The following LYST variants were observed in gnomAD, a reference collection of about 807,000 sequenced individuals.
LYST encodes the protein lysosomal-trafficking regulator.
In LYST, 192 loss-of-function variants were observed where a neutral mutation model predicts 413.6. The ratio of observed to expected loss-of-function variants is 0.46; its 90% CI spans 0.41 to 0.52. LYST has a LOEUF of 0.52. Among genes scored for constraint, LYST ranks in the 20% least tolerant of loss-of-function variants. The pLI, the probability that LYST is intolerant of heterozygous loss-of-function variation, is 0.00. For synonymous variants in LYST, 1,525 were observed against 1,567.3 expected, an observed-to-expected ratio of 0.97 and a Z score of 0.64; for missense variants, 3,815 against 4,499.9, an observed-to-expected ratio of 0.85 and a Z score of 4.35.
intron 45 of LYST, among the ~76,000 whole-genome samples, chr1:235,699,786 T>A (rs1158418053): frequency 1.3e-5 from 2 of 152,196 alleles, no homozygotes; most frequent in East Asian, 1.9e-4. Context: ...TGGTGTGAGA[T>A]GGTATCTCCT....
intron 50 of LYST, among the ~76,000 whole-genome samples, chr1:235,667,761 C>T (rs907562500): frequency 8.6e-5 from 13 of 151,988 alleles, no homozygotes; most frequent in Non-Finnish European, 1.9e-4. Flanking sequence ...CCGCTTCCTT[C>T]AAGCGATTCT....
intron 1 of LYST, among the ~76,000 whole-genome samples, chr1:235,853,701 G>A (rs34341762): frequency 0.011 from 1,715 of 152,196 alleles, 22 homozygotes; most frequent in Middle Eastern, 0.058. Flanking sequence ...AACCTGGGGC[G>A]CTGACCTAGG....
chr1:235,846,913 C>A (rs980679624), intron 1 of LYST, among the ~76,000 whole-genome samples: 1 of 151,958 alleles, frequency 6.6e-6, no homozygotes, highest in African/African-American at 2.4e-5. Flanking sequence ...AATCAGTGTT[C>A]CTGAGGAAGA....
At chr1:235,798,674 C>T (rs529134522) in intron 10 of LYST, among the ~76,000 whole-genome samples, 2 of 130,538 alleles carry the variant, frequency 1.5e-5, no homozygotes, top group East Asian at 5.8e-4. Flanking sequence ...AGAAAGAGAA[C>T]TAAAGTGCTG....
Position 235,809,114 on chromosome 1 carries a change from G to C in LYST, c.1704C>G (p.Ser568Arg). 1 of 1,614,096 alleles carries C rather than the reference G, an allele frequency of 6.2e-7. No individual in the cohort carries two copies. Among genetic ancestry groups the C allele is most frequent in the Non-Finnish European group, 8.5e-7 (1 of 1,179,972 alleles). ...CACCCGATAGGATCTGGACACAAGT[G>C]CTGCTCAAGGAAGCCTGCTGTAGTA... is the stretch of plus-strand genomic sequence containing the variant. Reference protein sequence around the residue: ...LRLLQQASLSSTCVQILSGVH... With the variant: ...LRLLQQASLSRTCVQILSGVH... Residue 568 changes from serine (S) to arginine (R), a missense_variant, in exon 5 of 53, where the codon AGC (serine) becomes AGG (arginine). This residue lies in a region of LYST where 1,648 missense variants were observed against 1,810.3 expected (regional missense o/e 0.91). Transcript: ENST00000389793. The surrounding 1 kb of genome is among the most constrained non-coding windows in gnomAD (Gnocchi z 4.0).
At chr1:235,745,497 C>T (rs1397513794) in intron 29 of LYST, among the ~76,000 whole-genome samples, 1 of 152,192 alleles carries the variant, frequency 6.6e-6, no homozygotes, top group Non-Finnish European at 1.5e-5. Context: ...TACAGCCACT[C>T]TGGAAAAGTT....
intron 1 of LYST, among the ~76,000 whole-genome samples, chr1:235,853,415 T>C (rs3768072): frequency 0.3 from 45,375 of 151,912 alleles, 8,848 homozygotes; most frequent in East Asian, 0.8. Context: ...TTCTGTATTA[T>C]GCATTTAAGC....
intron 1 of LYST, among the ~76,000 whole-genome samples, chr1:235,848,770 A>C (rs1244716936): frequency 6.6e-6 from 1 of 152,126 alleles, no homozygotes; most frequent in Non-Finnish European, 1.5e-5. Context: ...TAAACTAGAA[A>C]GTCTAGAAGA....
upstream of LYST, among the ~76,000 whole-genome samples, chr1:235,870,156 G>A (rs1558370084): frequency 3.3e-5 from 5 of 152,208 alleles, no homozygotes; most frequent in Middle Eastern, 3.4e-3. Flanking sequence ...TCCCTTCTTG[G>A]GGGGTGTGGG....
intron 1 of LYST, among the ~76,000 whole-genome samples, chr1:235,849,510 T>C (rs1219705823): frequency 6.6e-6 from 1 of 152,058 alleles, no homozygotes; most frequent in African/African-American, 2.4e-5. Flanking sequence ...CTGGAAGTCC[T>C]AGCCAGAGCA....
At chr1:235,859,706 T>C (rs1395191415) in intron 1 of LYST, among the ~76,000 whole-genome samples, 2 of 152,172 alleles carry the variant, frequency 1.3e-5, no homozygotes, top group Non-Finnish European at 2.9e-5. Flanking sequence ...CTTTGATTCC[T>C]CCCTCTCCTT....
At chr1:235,878,271 C>T (rs1681227372) in intron 1 of LYST, among the ~76,000 whole-genome samples, 1 of 152,148 alleles carries the variant, frequency 6.6e-6, no homozygotes, top group Non-Finnish European at 1.5e-5. Flanking sequence ...GTTGCATTCC[C>T]ACCCTGAGTG....
chr1:235,789,278 T>G (rs1201620636), intron 12 of LYST, among the ~76,000 whole-genome samples: 1 of 152,048 alleles, frequency 6.6e-6, no homozygotes, highest in African/African-American at 2.4e-5. Context: ...AAAAAAAATA[T>G]CATATTACAA....
rs140944484 is a variant in LYST, at chr1:235,741,566, C to T, written c.8214G>A (p.Glu2738=). ...GTCTCCCAAGCTGCATTCGGAAGGT[C>T]TCCTTACAAGACCACAGAATTTTAG... The part of the protein sequence containing the change: ...QWTKILWSCK[E]TFRMQLGRLL... The change falls in exon 31 of 53, where the codon GAG becomes GAA. Residue 2738 remains glutamate (E), a synonymous_variant. Transcript: ENST00000389793. 6.2e-7 allele frequency: 1 copy of T among 1,614,118 alleles called. No individual in the cohort carries two copies. The highest frequency in any genetic ancestry group is 8.5e-7 in the Non-Finnish European group (1 of 1,179,986).
At chr1:235,880,787 C>T (rs116199647) in intron 1 of LYST, among the ~76,000 whole-genome samples, 212 of 152,234 alleles carry the variant, frequency 1.4e-3, no homozygotes, top group African/African-American at 4.5e-3. Context: ...ATTTTTCTTA[C>T]GCAAATGGGA....
Position 235,679,726 on chromosome 1 carries a change from G to A in LYST, c.10801-2107C>T, listed in dbSNP as rs886778776. On this transcript the variant is annotated intron_variant, in intron 48 of 52. Coordinates refer to ENST00000389793, the MANE Select transcript of LYST (RefSeq NM_000081.4). ...TCCTAGACAAACCAGGGAATTCCAG[G>A]GTTCTCCCATGCAACTCATTTTCAT... is the stretch of plus-strand genomic sequence containing the variant. Among the ~76,000 whole-genome samples the A allele has an allele frequency of 3.3e-5, 5 of 152,046 alleles. No individual in the cohort carries two copies. The East Asian group carries it at 9.6e-4, about 29-fold the overall frequency.
chr1:235,675,674 C>T (rs1361472020), intron 50 of LYST, among the ~76,000 whole-genome samples: 2 of 152,176 alleles, frequency 1.3e-5, no homozygotes, highest in South Asian at 2.1e-4. Context: ...TGTGCCTCTT[C>T]AGCCGCTGTT....
At chr1:235,799,272 A>AT (rs996478881) in intron 10 of LYST, among the ~76,000 whole-genome samples, 5 of 152,156 alleles carry the variant, frequency 3.3e-5, no homozygotes, top group Admixed American at 6.5e-5. Context: ...ATACTTTCAT[A>AT]TTTTTTTCAT....
At chr1:235,751,004 C>T (rs1666439208) in intron 28 of LYST, among the ~76,000 whole-genome samples, 1 of 152,142 alleles carries the variant, frequency 6.6e-6, no homozygotes, top group Non-Finnish European at 1.5e-5. Flanking sequence ...TAGCACAATG[C>T]TCAGCACATG....
Sources: allele counts gnomAD v4.1 joint callset (sites outside exome capture counted in the v4.1 genomes callset), GRCh38; gene constraint gnomAD v4.1.1; regional missense constraint gnomAD v4.1.1; non-coding constraint Gnocchi (gnomAD v3.1); transcripts MANE v1.5; gene names NCBI Gene and HGNC (gene_info 2026-07-23, HGNC 2026-07-21).